The following HAUS1 variants were observed in gnomAD, a reference collection of about 807,000 sequenced individuals.
HAUS1 encodes the protein HAUS augmin-like complex subunit 1.
Under a neutral mutation model 38.6 loss-of-function variants are expected in HAUS1, and 25 were observed. The ratio of observed to expected loss-of-function variants is 0.65; its 90% CI spans 0.47 to 0.91. The LOEUF is 0.91. Among genes scored for constraint, HAUS1 ranks in the 40% least tolerant of loss-of-function variants. The probability of loss-of-function intolerance (pLI) is 0.00; values close to 1 mark genes in which losing one functional copy is unlikely to be tolerated. For missense variants in HAUS1, 325 were observed against 328.4 expected, an observed-to-expected ratio of 0.99 and a Z score of 0.08; for synonymous variants, 109 against 112.9, an observed-to-expected ratio of 0.97 and a Z score of 0.22.
intron 2 of HAUS1, 59 bp from the exon 3 acceptor site, chr18:46,118,122 A>G: frequency 6.5e-7 from 1 of 1,545,740 alleles, no homozygotes; most frequent in East Asian, 2.2e-5. Context: ...GTCTTGATAA[A>G]GCTGTTAAAA....
At chr18:46,125,867 C>T (rs1912090271) in intron 8 of HAUS1, 76 bp downstream of exon 8, 7 of 893,408 alleles carry the variant, frequency 7.8e-6, no homozygotes, top group Non-Finnish European at 1.2e-5. Context: ...TCTTCTTCAT[C>T]CTTCTTTCCT....
intron 2 of HAUS1, among the ~76,000 whole-genome samples, chr18:46,109,955 A>G (rs967607125): frequency 2.6e-5 from 4 of 152,066 alleles, no homozygotes; most frequent in African/African-American, 7.2e-5. Flanking sequence ...GGAAGAAAGT[A>G]GAAAAAATAT....
chr18:46,115,668 A>G (rs1423836136), intron 2 of HAUS1, among the ~76,000 whole-genome samples: 1 of 152,234 alleles, frequency 6.6e-6, no homozygotes, highest in African/African-American at 2.4e-5. Context: ...CCTAAAATGC[A>G]TAGAAGGCAA....
intron 8 of HAUS1, chr18:46,126,801 T>TTTTA (rs34199777): frequency 0.2 from 27,321 of 137,952 alleles, 3,054 homozygotes; most frequent in East Asian, 0.39. Context: ...ATTTTTGCAT[T>TTTTA]TTTATTTATT....
rs374219750 is a variant in HAUS1 at position 46,110,299 on chromosome 18, G to A, written c.205+4931G>A. Among the ~76,000 whole-genome samples, 79 of 140,308 alleles carry A rather than the reference G, an allele frequency of 5.6e-4. No individual in the cohort carries two copies. In the Middle Eastern group the frequency reaches 0.014, roughly 24 times the overall value. 92.0% of individuals were successfully genotyped at this position (140,308 alleles called of 152,430 possible). A position where few individuals can be genotyped will look rare whatever the true frequency, so the allele number is the denominator to read the frequency against. ...GCCTCCCAAGTAGATAGGACTACAG[G>A]TGTAAATCACCATGCCCAGCTTATT... On this transcript the variant is annotated intron_variant, in intron 2 of 8. Transcript: ENST00000282058.
chr18:46,121,987 G>T (rs1440883150), intron 4 of HAUS1, among the ~76,000 whole-genome samples: 1 of 151,938 alleles, frequency 6.6e-6, no homozygotes, highest in Non-Finnish European at 1.5e-5. Context: ...GATTATGGGC[G>T]CATGCCACCA....
At chr18:46,106,326 G>C (rs1266946284) in intron 2 of HAUS1, among the ~76,000 whole-genome samples, 1 of 152,014 alleles carries the variant, frequency 6.6e-6, no homozygotes, top group East Asian at 1.9e-4. Flanking sequence ...AAAATTAGCC[G>C]GGCGTGGTGG....
At chr18:46,120,785 C>T (rs1911916822) in intron 4 of HAUS1, among the ~76,000 whole-genome samples, 2 of 151,946 alleles carry the variant, frequency 1.3e-5, no homozygotes, top group South Asian at 4.1e-4. Context: ...AGGGTTTCAC[C>T]ATATTGGCCA....
Position 46,123,168 on chromosome 18 carries a change from G to A in HAUS1, c.601-131G>A, listed in dbSNP as rs1055941791. ...GGAGTTTGCAGAGAGCCGAGATCGCGCCACTGCACTCCAGCCTGGGTGACA... is the reference window on the plus strand; with the variant it reads ...GGAGTTTGCAGAGAGCCGAGATCGCACCACTGCACTCCAGCCTGGGTGACA... On this transcript the variant is annotated intron_variant, in intron 5 of 8. Transcript: ENST00000282058. 31 of 622,038 alleles carry A rather than the reference G, an allele frequency of 5.0e-5. No individual in the cohort carries two copies. The Admixed American group carries it at 7.6e-4, about 15-fold the overall frequency. 38.5% of individuals were successfully genotyped at this position (622,038 alleles called of 1,614,324 possible).
chr18:46,117,032 A>G (rs538742127), intron 2 of HAUS1, among the ~76,000 whole-genome samples: 110 of 152,308 alleles, frequency 7.2e-4, no homozygotes, highest in South Asian at 1.5e-3. Context: ...TCAAAAAGAC[A>G]TATTGCAACT....
chr18:46,125,902 C>G (rs377257929), intron 8 of HAUS1, 111 bp downstream of exon 8: 1 of 693,804 alleles, frequency 1.4e-6, no homozygotes. Context: ...AAGCTGCAGT[C>G]CTAAAGTTAC....
chr18:46,117,328 G>A (rs181905955), intron 2 of HAUS1, among the ~76,000 whole-genome samples: 18 of 152,268 alleles, frequency 1.2e-4, no homozygotes, highest in Non-Finnish European at 1.5e-4. Context: ...TGATATGTCC[G>A]TATAATGGAA....
chr18:46,116,496 G>A (rs1241212297), intron 2 of HAUS1, among the ~76,000 whole-genome samples: 2 of 152,082 alleles, frequency 1.3e-5, no homozygotes, highest in African/African-American at 4.8e-5. Context: ...AGCAGGTGGA[G>A]GTTGCAGTGA....
chr18:46,119,164 C>G (rs1477502072), intron 3 of HAUS1, among the ~76,000 whole-genome samples: 1 of 152,150 alleles, frequency 6.6e-6, no homozygotes, highest in Admixed American at 6.6e-5. Flanking sequence ...CCACTGCGCC[C>G]GGTAGAACTA....
At chr18:46,124,932 C>A in intron 7 of HAUS1, 39 bp downstream of exon 7, 1 of 1,142,694 alleles carries the variant, frequency 8.8e-7, no homozygotes, top group Non-Finnish European at 1.3e-6. Context: ...TTATTTCCTC[C>A]AACCTTCCCT....
intron 8 of HAUS1, 55 bp from the exon 9 acceptor site, chr18:46,128,020 A>G: frequency 9.5e-7 from 1 of 1,048,606 alleles, no homozygotes; most frequent in Non-Finnish European, 1.4e-6. Context: ...ACATTAAATA[A>G]AAGTTAGAGC....
Position 46,104,389 on chromosome 18 carries a change from G to A in HAUS1, c.-23G>A. ...GCGCATCTCCCGCTAGGAGTTCCTA[G>A]TAAAGTGGCGGGAGCCGCAGCTATG... On this transcript the variant is annotated 5_prime_UTR_variant, in exon 1 of 9. Coordinates refer to ENST00000282058, the MANE Select transcript of HAUS1 (RefSeq NM_138443.4). The A allele has an allele frequency of 6.8e-7, 1 of 1,459,920 alleles. No homozygotes were observed. Among genetic ancestry groups the A allele is most frequent in the African/African-American group, 1.4e-5 (1 of 69,338 alleles). The allele number at this position is 1,459,920 out of a possible 1,614,324, so 90.4% of individuals were successfully genotyped here.
chr18:46,110,219 G>A (rs1296339264), intron 2 of HAUS1, among the ~76,000 whole-genome samples: 1 of 135,424 alleles, frequency 7.4e-6, no homozygotes, highest in Admixed American at 7.9e-5. Flanking sequence ...GTAGTGGCAT[G>A]ATCATAGCTC....
At chr18:46,122,691 A>C in intron 5 of HAUS1, 101 bp downstream of exon 5, 1 of 1,338,716 alleles carries the variant, frequency 7.5e-7, no homozygotes, top group South Asian at 1.3e-5. Flanking sequence ...AGATGAGAGG[A>C]CTATAGAGAA....
Sources: allele counts gnomAD v4.1 joint callset (sites outside exome capture counted in the v4.1 genomes callset), GRCh38; gene constraint gnomAD v4.1.1; transcripts MANE v1.5; gene names NCBI Gene and HGNC (gene_info 2026-07-23, HGNC 2026-07-21).